Variants in SDF4 observed in about 807,000 individuals in gnomAD.
SDF4 encodes the protein stromal cell derived factor 4.
A neutral mutation model predicts 34.2 loss-of-function variants in SDF4; 22 were observed. The observed-to-expected ratio is 0.64, with a 90% CI of 0.46 to 0.92. SDF4 has a LOEUF of 0.92. Among genes scored for constraint, SDF4 ranks in the 40% least tolerant of loss-of-function variants. The pLI is 0.00. For synonymous variants in SDF4, 236 were observed against 203.1 expected (o/e 1.16, Z -1.38); for missense variants, 447 against 499.9 (o/e 0.89, Z 1.01).
At chr1:1,221,592 C>T (rs1165548710) in intron 4 of SDF4, among the ~76,000 whole-genome samples, 1 of 152,046 alleles carries the variant, frequency 6.6e-6, no homozygotes, top group African/African-American at 2.4e-5. Context: ...GAGCTGAGAT[C>T]GCACCACTGC....
chr1:1,228,304 G>A (rs1638375218), intron 2 of SDF4, among the ~76,000 whole-genome samples, 164 bp downstream of exon 2: 1 of 152,232 alleles, frequency 6.6e-6, no homozygotes, highest in South Asian at 2.1e-4. Context: ...AGGCCTCCGC[G>A]CAAACACAGC....
chr1:1,217,934 T>A lies in SDF4; in HGVS notation c.892-246A>T. 9.7e-7 allele frequency: 1 copy of A among 1,035,966 alleles called. No homozygotes were observed. Among genetic ancestry groups the A allele is most frequent in the Non-Finnish European group, 1.3e-6 (1 of 746,540 alleles). 64.2% of individuals were successfully genotyped at this position (1,035,966 alleles called of 1,614,324 possible). A position where few individuals can be genotyped will look rare whatever the true frequency, so the allele number is the denominator to read the frequency against. On this transcript the variant is annotated intron_variant, in intron 6 of 6. Coordinates refer to ENST00000360001, the MANE Select transcript of SDF4 (RefSeq NM_016176.6). This position sits in a 1 kb window ranked among gnomAD's most constrained non-coding sequence, Gnocchi z 8.5. The stretch of plus-strand genomic sequence containing the variant: ...GGGGCTACACAGGCCTGGACCCCAG[T>A]TCTGAAGGATCCCTAACCTGGGCCG...
chr1:1,217,951 C>T lies in SDF4; in HGVS notation c.892-263G>A, dbSNP rs1480711310. On this transcript the variant is annotated intron_variant, in intron 6 of 6. Transcript: ENST00000360001. The surrounding 1 kb of genome is among the most constrained non-coding windows in gnomAD (Gnocchi z 8.5). ...GACCCCAGTTCTGAAGGATCCCTAA[C>T]CTGGGCCGGGCCCACTGGCTGTCGC... 4 of 909,316 alleles carry T rather than the reference C, an allele frequency of 4.4e-6. No homozygotes were observed. The highest frequency in any genetic ancestry group is 6.3e-6 in the Non-Finnish European group (4 of 634,836). 56.3% of individuals were successfully genotyped at this position (909,316 alleles called of 1,614,324 possible). A position where few individuals can be genotyped will look rare whatever the true frequency, so the allele number is the denominator to read the frequency against.
intron 2 of SDF4, among the ~76,000 whole-genome samples, chr1:1,224,887 T>G (rs76371582): frequency 0.014 from 2,174 of 152,334 alleles, 18 homozygotes; most frequent in African/African-American, 0.017. Flanking sequence ...CACTCCAGCC[T>G]GGGCGGCATA....
chr1:1,227,694 C>T (rs560879174), intron 2 of SDF4, among the ~76,000 whole-genome samples: 22 of 152,298 alleles, frequency 1.4e-4, no homozygotes, highest in Admixed American at 2.6e-4. Context: ...CGCAGGGCAC[C>T]CCGGCCGTGC....
In SDF4 at chr1:1,223,820, C is replaced by CCCCCCCCCCCA. The variant is rs1570483240; in HGVS notation, c.442+11_442+12insTGGGGGGGGGG. 4.0e-6 allele frequency: 6 copies of CCCCCCCCCCCA among 1,515,756 alleles called. No individual in the cohort carries two copies. Among genetic ancestry groups the CCCCCCCCCCCA allele is most frequent in the South Asian group, 3.5e-5 (3 of 86,058 alleles). 93.9% of individuals were successfully genotyped at this position (1,515,756 alleles called of 1,614,324 possible). Reference sequence around the variant, plus strand: ...GCCCACCGCCCCACCCACCCCGGCCCAGCCACAGTACCGTCCCCGTCAGGG... The same window carrying CCCCCCCCCCCA: ...GCCCACCGCCCCACCCACCCCGGCCCCCCCCCCCCCAAGCCACAGTACCGTCCCCGTCAGGG... On this transcript the variant is annotated intron_variant, in intron 3 of 6. Transcript: ENST00000360001.
At chr1:1,222,627 G>A (rs1164764194) in intron 4 of SDF4, among the ~76,000 whole-genome samples, 2 of 152,264 alleles carry the variant, frequency 1.3e-5, no homozygotes, top group South Asian at 2.1e-4. Flanking sequence ...TTCAGAGTAC[G>A]GGGCAGGCCC....
chr1:1,219,842 C>T, intron 4 of SDF4: 2 of 985,894 alleles, frequency 2.0e-6, no homozygotes, highest in Non-Finnish European at 2.4e-6. Flanking sequence ...CTGGCCGAAG[C>T]CCCTGCCACA....
chr1:1,218,517 C>A lies in SDF4; in HGVS notation c.832G>T (p.Glu278Ter), dbSNP rs898719303. The A allele has an allele frequency of 6.2e-7, 1 of 1,613,900 alleles. No individual in the cohort carries two copies. The highest frequency in any genetic ancestry group is 8.5e-7 in the Non-Finnish European group (1 of 1,179,954). ...TTGGAGTCAATGAGCTCCTCAAACT[C>A]CTTTTTTCTGTCTTTCACCCAGTTG... ...DDNWVKDRKK[E>*]FEELIDSNHD... The change falls in exon 6 of 7, where the codon GAG becomes TAG. Residue 278 changes from glutamate to a stop codon, truncating the protein, a stop_gained. Coordinates refer to ENST00000360001, the MANE Select transcript of SDF4 (RefSeq NM_016176.6). LOFTEE classifies it high-confidence loss of function. This position sits in a 1 kb window ranked among gnomAD's most constrained non-coding sequence, Gnocchi z 7.9.
Position 1,218,657 on chromosome 1 carries a change from C to T in SDF4, c.716-24G>A, listed in dbSNP as rs1248907328. The T allele has an allele frequency of 6.2e-7, 1 of 1,613,092 alleles. No homozygotes were observed. The highest frequency in any genetic ancestry group is 2.2e-5 in the East Asian group (1 of 44,866). On this transcript the variant is annotated intron_variant, in intron 5 of 6. Transcript: ENST00000360001. The surrounding 1 kb of genome is among the most constrained non-coding windows in gnomAD (Gnocchi z 7.9). ...GTCTGCGAGACGGGAATGGGTCAGC[C>T]CACACCCAGGCTGGGGCTCCCGCAG...
At chr1:1,230,824 C>T (rs965558821) in intron 1 of SDF4, among the ~76,000 whole-genome samples, 4 of 152,220 alleles carry the variant, frequency 2.6e-5, no homozygotes, top group African/African-American at 9.7e-5. Context: ...TTCCTGTCGT[C>T]CCAGATCGCC....
Position 1,228,124 on chromosome 1 carries a change from G to A in SDF4, c.305+344C>T, listed in dbSNP as rs147791774. Among the ~76,000 whole-genome samples the A allele has an allele frequency of 4.2e-3, 639 of 152,348 alleles. 8 individuals carry two copies. The highest frequency in any genetic ancestry group is 0.014 in the African/African-American group (592 of 41,578). On this transcript the variant is annotated intron_variant, in intron 2 of 6. Coordinates refer to ENST00000360001, the MANE Select transcript of SDF4 (RefSeq NM_016176.6). ...TCGTCCAACTGGGGCTGCAGCCTGC[G>A]GAGGCTGCCCGTGGCCGGCGTCTGC...
chr1:1,220,255 C>T lies in SDF4; in HGVS notation c.557-1328G>A, dbSNP rs570926919. On this transcript the variant is annotated intron_variant, in intron 4 of 6. Coordinates refer to ENST00000360001, the MANE Select transcript of SDF4 (RefSeq NM_016176.6). ...ACCCTCCTGGATCAGGGAGAGTCAA[C>T]GACTGCTGTCCCTGTGAGAAGAGGA... 1.2e-4 allele frequency: 121 copies of T among 1,036,974 alleles called. No individual in the cohort carries two copies. In the East Asian group the frequency reaches 2.1e-3, roughly 18 times the overall value. The allele number at this position is 1,036,974 out of a possible 1,614,324, so 64.2% of individuals were successfully genotyped here.
chr1:1,224,267 G>C lies in SDF4; in HGVS notation c.306-299C>G, dbSNP rs1057239123. On this transcript the variant is annotated intron_variant, in intron 2 of 6. Transcript: ENST00000360001. Reference sequence around the variant, plus strand: ...CACTCTCCAACCACAGCTTCCAAAAGTCACACTCTTCACGTTTTATTTTAT... The same window carrying C: ...CACTCTCCAACCACAGCTTCCAAAACTCACACTCTTCACGTTTTATTTTAT... Among the ~76,000 whole-genome samples the C allele has an allele frequency of 4.0e-5, 6 of 151,808 alleles. No individual in the cohort carries two copies. In the East Asian group the frequency reaches 7.8e-4, roughly 20 times the overall value.
chr1:1,219,430 C>T, intron 4 of SDF4: 1 of 1,016,006 alleles, frequency 9.8e-7, no homozygotes, highest in Non-Finnish European at 1.2e-6. Flanking sequence ...GCGCCTGCCC[C>T]TCTGGAGGAG....
chr1:1,222,690 C>T (rs114330234), intron 4 of SDF4, among the ~76,000 whole-genome samples: 8,431 of 152,338 alleles, frequency 0.055, 344 homozygotes, highest in Non-Finnish European at 0.089. Flanking sequence ...GAGTAACGGC[C>T]GTGAAGGTGC....
At chr1:1,222,505 T>G (rs1650027003) in intron 4 of SDF4, among the ~76,000 whole-genome samples, 1 of 152,120 alleles carries the variant, frequency 6.6e-6, no homozygotes, top group Non-Finnish European at 1.5e-5. Context: ...CTGACCGCTC[T>G]CTGGTGACCA....
chr1:1,229,617 C>G (rs1204862712), intron 1 of SDF4, among the ~76,000 whole-genome samples: 1 of 152,222 alleles, frequency 6.6e-6, no homozygotes, highest in Non-Finnish European at 1.5e-5. Context: ...CGCCCAACAC[C>G]TGCAGCACAG....
At chr1:1,224,103 C>G (rs964848466) in intron 2 of SDF4, 135 bp from the exon 3 acceptor site, 1 of 1,482,272 alleles carries the variant, frequency 6.7e-7, no homozygotes, top group Non-Finnish European at 9.0e-7. Flanking sequence ...CACCAGGCAA[C>G]GCGAAAAGCG....
Sources: allele counts gnomAD v4.1 joint callset (sites outside exome capture counted in the v4.1 genomes callset), GRCh38; gene constraint gnomAD v4.1.1; non-coding constraint Gnocchi (gnomAD v3.1); transcripts MANE v1.5; gene names NCBI Gene and HGNC (gene_info 2026-07-23, HGNC 2026-07-21).